The following JAM3 variants were observed in gnomAD, a reference collection of about 807,000 sequenced individuals.
JAM3 encodes the protein junctional adhesion molecule 3.
A neutral mutation model predicts 39.4 loss-of-function variants in JAM3; 31 were observed. The observed-to-expected ratio is 0.79, with a 90% CI of 0.59 to 1.06. The LOEUF is 1.06. JAM3 is among the 50% of genes least tolerant of loss of function. The pLI is 0.00. For missense variants in JAM3, 455 were observed against 391.4 expected, an observed-to-expected ratio of 1.16 and a Z score of -1.37; for synonymous variants, 182 against 148.7, an observed-to-expected ratio of 1.22 and a Z score of -1.63.
chr11:134,092,738 G>T (rs633746), intron 1 of JAM3, among the ~76,000 whole-genome samples: 143 of 107,706 alleles, frequency 1.3e-3, no homozygotes, highest in Admixed American at 1.8e-3. Flanking sequence ...TGAGGGAAGC[G>T]TCTCCTGAAC....
intron 1 of JAM3, chr11:134,126,421 T>C (rs1565498256): frequency 6.6e-6 from 1 of 152,276 alleles, no homozygotes; most frequent in Non-Finnish European, 1.5e-5. Context: ...CTTGCAGATT[T>C]GTTTATATGC....
chr11:134,092,772 C>G (rs1941893871), intron 1 of JAM3, among the ~76,000 whole-genome samples: 1 of 135,570 alleles, frequency 7.4e-6, no homozygotes, highest in African/African-American at 2.8e-5. Flanking sequence ...CATGTTCCAC[C>G]TTACATCTTA....
intron 1 of JAM3, among the ~76,000 whole-genome samples, chr11:134,125,580 A>T (rs1942633380): frequency 6.6e-6 from 1 of 152,134 alleles, no homozygotes; most frequent in Non-Finnish European, 1.5e-5. Flanking sequence ...GTAGCCATTG[A>T]CCTCGCTAGC....
chr11:134,102,263 T>G (rs983684000), intron 1 of JAM3, among the ~76,000 whole-genome samples: 3 of 151,990 alleles, frequency 2.0e-5, no homozygotes, highest in Non-Finnish European at 4.4e-5. Context: ...GGGTCTGGAG[T>G]GGACCTCCAG....
At chr11:134,145,259 G>C in intron 5 of JAM3, 1 of 537,498 alleles carries the variant, frequency 1.9e-6, no homozygotes, top group Non-Finnish European at 3.3e-6. Context: ...GGCCCTGATC[G>C]GATAATCAAC....
intron 1 of JAM3, among the ~76,000 whole-genome samples, chr11:134,077,437 C>T (rs1941588747): frequency 6.6e-6 from 1 of 150,632 alleles, no homozygotes; most frequent in African/African-American, 2.4e-5. Flanking sequence ...GATCTCGGCT[C>T]ACTGCAACCT....
intron 1 of JAM3, among the ~76,000 whole-genome samples, chr11:134,076,153 T>TTTTTTTTTTTTTTTTTTTTTTTTC (rs1941565953): frequency 1.2e-5 from 1 of 85,874 alleles, no homozygotes; most frequent in African/African-American, 5.6e-5. Context: ...TTTTCTTTCT[T>TTTTTTTTTTTTTTTTTTTTTTTTC]TTTTTTTTTT....
At chr11:134,100,742 C>G (rs1335455944) in intron 1 of JAM3, among the ~76,000 whole-genome samples, 1 of 152,072 alleles carries the variant, frequency 6.6e-6, no homozygotes, top group Non-Finnish European at 1.5e-5. Flanking sequence ...ATAATTATCC[C>G]CATCGTATGG....
chr11:134,124,109 G>A, intron 1 of JAM3: 1 of 1,486,822 alleles, frequency 6.7e-7, no homozygotes, highest in South Asian at 1.1e-5. Context: ...TCTGATTAGG[G>A]GGTGGAGCTC....
At chr11:134,078,979 T>C (rs1249341245) in intron 1 of JAM3, among the ~76,000 whole-genome samples, 1 of 152,108 alleles carries the variant, frequency 6.6e-6, no homozygotes, top group Non-Finnish European at 1.5e-5. Context: ...GTGGAGGTTG[T>C]GGTGAGCCAA....
intron 5 of JAM3, chr11:134,145,570 G>A (rs371311665): frequency 1.2e-5 from 4 of 344,298 alleles, no homozygotes; most frequent in South Asian, 1.0e-4. Context: ...CTCCTGGGAG[G>A]TACCTTCTGA....
At chr11:134,070,581 C>T (rs536686790) in intron 1 of JAM3, among the ~76,000 whole-genome samples, 119 of 152,318 alleles carry the variant, frequency 7.8e-4, no homozygotes, top group African/African-American at 2.7e-3. Context: ...GATAAGTGAT[C>T]AAAGGCTAGC....
chr11:134,095,953 A>G (rs1195540859), intron 1 of JAM3, among the ~76,000 whole-genome samples: 1 of 152,160 alleles, frequency 6.6e-6, no homozygotes, highest in East Asian at 1.9e-4. Context: ...GTTGATGTAC[A>G]TGATGTCAGT....
intron 6 of JAM3, among the ~76,000 whole-genome samples, chr11:134,147,459 C>CAAAAAAAAA (rs557379286): frequency 7.1e-5 from 5 of 70,888 alleles, no homozygotes; most frequent in African/African-American, 1.9e-4. Context: ...GACTCTGTCT[C>CAAAAAAAAA]AAAAAAAAAA....
At chr11:134,083,887 G>A (rs1051736894) in intron 1 of JAM3, among the ~76,000 whole-genome samples, 2 of 152,096 alleles carry the variant, frequency 1.3e-5, no homozygotes, top group Non-Finnish European at 2.9e-5. Flanking sequence ...ACAGAAATGG[G>A]GCACTTCTTT....
At chr11:134,108,555 A>T (rs1202352414) in intron 1 of JAM3, among the ~76,000 whole-genome samples, 1 of 152,230 alleles carries the variant, frequency 6.6e-6, no homozygotes, top group East Asian at 1.9e-4. Context: ...AATCATAAAA[A>T]AGACCAAGTT....
intron 1 of JAM3, among the ~76,000 whole-genome samples, chr11:134,110,383 T>C (rs1232473337): frequency 3.3e-5 from 5 of 152,374 alleles, no homozygotes; most frequent in Admixed American, 1.3e-4. Context: ...ATCTAAAAAC[T>C]GGAAATAACC....
At chr11:134,128,809 G>A (rs935251391) in intron 1 of JAM3, among the ~76,000 whole-genome samples, 2 of 152,136 alleles carry the variant, frequency 1.3e-5, no homozygotes, top group Middle Eastern at 3.2e-3. Flanking sequence ...GTTCTTTATA[G>A]TGTGAAAATG....
rs147955855 is a variant in JAM3 at position 134,149,396 on chromosome 11, C to T, written c.*215C>T. ...AAGATGGACCCGGTAAATATAACCACAAGGAAGCGAAACTGGGTGCGTTCA... is the reference window on the plus strand; with the variant it reads ...AAGATGGACCCGGTAAATATAACCATAAGGAAGCGAAACTGGGTGCGTTCA... On this transcript the variant is annotated 3_prime_UTR_variant, in exon 9 of 9. Transcript: ENST00000299106. The T allele has an allele frequency of 2.0e-4, 124 of 630,532 alleles. No individual in the cohort carries two copies. In the African/African-American group the frequency reaches 2.0e-3, roughly 10 times the overall value. The allele number at this position is 630,532 out of a possible 1,614,324, so 39.1% of individuals were successfully genotyped here.
Sources: allele counts gnomAD v4.1 joint callset (sites outside exome capture counted in the v4.1 genomes callset), GRCh38; gene constraint gnomAD v4.1.1; transcripts MANE v1.5; gene names NCBI Gene and HGNC (gene_info 2026-07-23, HGNC 2026-07-21).